The following DLGAP2 variants were observed in gnomAD, a reference collection of about 807,000 sequenced individuals.
The protein encoded by DLGAP2 is DLG associated protein 2, also known as disks large-associated protein 2.
DLGAP2 carries 26 observed loss-of-function variants against 100.3 expected under a neutral mutation model. The ratio of observed to expected loss-of-function variants is 0.26; its 90% CI spans 0.19 to 0.36. DLGAP2 has a LOEUF of 0.36. DLGAP2 is among the 10% of genes least tolerant of loss of function. The pLI is 1.00. For synonymous variants in DLGAP2, 886 were observed against 630.1 expected (o/e 1.41, Z -6.08); for missense variants, 1,858 against 1,453.2 (o/e 1.28, Z -4.53).
At chr8:1,191,417 G>A (rs549332818) in intron 2 of DLGAP2, among the ~76,000 whole-genome samples, 138 of 152,200 alleles carry the variant, frequency 9.1e-4, no homozygotes, top group Admixed American at 2.8e-3. Flanking sequence ...TGATCTGCCC[G>A]CCTCAGCCTC....
At chr8:1,245,554 G>A (rs1341042850) in intron 2 of DLGAP2, among the ~76,000 whole-genome samples, 1 of 152,214 alleles carries the variant, frequency 6.6e-6, no homozygotes, top group Non-Finnish European at 1.5e-5. Context: ...TATATAGAAA[G>A]TACATTAGTG....
chr8:1,527,496 G>A (rs1036367010), intron 4 of DLGAP2, among the ~76,000 whole-genome samples: 1 of 152,250 alleles, frequency 6.6e-6, no homozygotes, highest in Non-Finnish European at 1.5e-5. Flanking sequence ...TCTGGTCTTT[G>A]TCAGACTTTA....
intron 3 of DLGAP2, among the ~76,000 whole-genome samples, chr8:1,308,743 T>G (rs1800547967): frequency 6.6e-6 from 1 of 152,108 alleles, no homozygotes; most frequent in African/African-American, 2.4e-5. Context: ...CAGGCTGGTC[T>G]TGAACTCCCG....
chr8:1,337,727 C>G (rs1208348297), intron 3 of DLGAP2, among the ~76,000 whole-genome samples: 1 of 152,066 alleles, frequency 6.6e-6, no homozygotes, highest in Non-Finnish European at 1.5e-5. Flanking sequence ...TTTCGTGCTT[C>G]AAAAGACACA....
intron 1 of DLGAP2, among the ~76,000 whole-genome samples, chr8:906,656 G>A (rs1368717771): frequency 6.6e-6 from 1 of 152,164 alleles, no homozygotes; most frequent in Non-Finnish European, 1.5e-5. Context: ...GCTTCCACGT[G>A]GCACGGGGCC....
In DLGAP2 at chr8:1,164,260, GCCC is replaced by G. The variant is rs1304632951; in HGVS notation, c.74-94589_74-94587del. Among the ~76,000 whole-genome samples, 20 of 131,916 alleles carry G rather than the reference GCCC, an allele frequency of 1.5e-4. 1 individual carries two copies. Among genetic ancestry groups the G allele is most frequent in the African/African-American group, 3.2e-4 (11 of 33,988 alleles). 86.5% of individuals were successfully genotyped at this position (131,916 alleles called of 152,430 possible). On this transcript the variant is annotated intron_variant, in intron 2 of 14. Coordinates refer to ENST00000637795, the MANE Select transcript of DLGAP2 (RefSeq NM_001346810.2). Reference sequence around the variant, plus strand: ...AGATTTTTCTGTGAGCCCCCCCAGGGCCCCTCGTTTTGGTTTGTGGGGACTGAT... The same window carrying G: ...AGATTTTTCTGTGAGCCCCCCCAGGGCTCGTTTTGGTTTGTGGGGACTGAT...
chr8:999,035 C>G (rs925466918), intron 2 of DLGAP2, among the ~76,000 whole-genome samples: 14 of 152,126 alleles, frequency 9.2e-5, no homozygotes, highest in African/African-American at 3.1e-4. Context: ...ATGAACCATA[C>G]CAGGTTAGCT....
chr8:836,800 C>A (rs1021706914), intron 1 of DLGAP2, among the ~76,000 whole-genome samples: 1 of 152,170 alleles, frequency 6.6e-6, no homozygotes, highest in Non-Finnish European at 1.5e-5. Flanking sequence ...TGGCATCTAA[C>A]GGAGATCTTT....
chr8:1,481,330 C>T (rs560746057), intron 3 of DLGAP2, among the ~76,000 whole-genome samples: 5 of 152,162 alleles, frequency 3.3e-5, no homozygotes, highest in East Asian at 1.9e-4. Context: ...TGAGCGTGAC[C>T]GTTCAGAGAC....
intron 3 of DLGAP2, among the ~76,000 whole-genome samples, chr8:1,355,833 A>C (rs1412589590): frequency 6.6e-6 from 1 of 152,098 alleles, no homozygotes; most frequent in East Asian, 1.9e-4. Flanking sequence ...CCCACCAGCC[A>C]GTCCCTCAAA....
At chr8:1,239,168 T>TTC (rs1384777200) in intron 2 of DLGAP2, among the ~76,000 whole-genome samples, 2 of 5,500 alleles carry the variant, frequency 3.6e-4, no homozygotes, top group East Asian at 1.4e-3. Context: ...CCGTGTCTAG[T>TTC]TCTCTCACAT....
At chr8:845,552 T>C (rs1327595802) in intron 1 of DLGAP2, among the ~76,000 whole-genome samples, 7 of 152,246 alleles carry the variant, frequency 4.6e-5, no homozygotes. Flanking sequence ...GTATTCTAGA[T>C]ACAAGTCCTT....
At chr8:1,152,526 G>T (rs977706253) in intron 2 of DLGAP2, among the ~76,000 whole-genome samples, 1 of 152,172 alleles carries the variant, frequency 6.6e-6, no homozygotes, top group Non-Finnish European at 1.5e-5. Context: ...CTCTCCCAAA[G>T]GCCCTTTTTT....
intron 3 of DLGAP2, among the ~76,000 whole-genome samples, chr8:1,480,058 G>A (rs1799047028): frequency 6.6e-6 from 1 of 152,166 alleles, no homozygotes; most frequent in African/African-American, 2.4e-5. Flanking sequence ...GCAGAGAGAG[G>A]CACGGATGCC....
chr8:1,316,942 C>G lies in DLGAP2; in HGVS notation c.106+58059C>G, dbSNP rs188696720. 2.0e-3 allele frequency among the ~76,000 whole-genome samples: 121 copies of G among 61,522 alleles called. No individual in the cohort carries two copies. The East Asian group carries it at 0.032, about 17-fold the overall frequency. The allele number at this position is 61,522 out of a possible 152,430, so 40.4% of individuals were successfully genotyped here. A position where few individuals can be genotyped will look rare whatever the true frequency, so the allele number is the denominator to read the frequency against. On this transcript the variant is annotated intron_variant, in intron 3 of 14. Coordinates refer to ENST00000637795, the MANE Select transcript of DLGAP2 (RefSeq NM_001346810.2). ...CTCCAACAGTGGTCTACACTCGAGACACTCGGCAGCGTTTAAAAATAGAGC... is the reference window on the plus strand; with the variant it reads ...CTCCAACAGTGGTCTACACTCGAGAGACTCGGCAGCGTTTAAAAATAGAGC...
At chr8:1,176,434 T>G (rs11993074) in intron 2 of DLGAP2, among the ~76,000 whole-genome samples, 1 of 152,032 alleles carries the variant, frequency 6.6e-6, no homozygotes, top group Non-Finnish European at 1.5e-5. Flanking sequence ...CTTTGGGTGT[T>G]TGTTCTGAGT....
At chr8:1,535,506 C>G (rs1801127441) in intron 4 of DLGAP2, among the ~76,000 whole-genome samples, 1 of 152,186 alleles carries the variant, frequency 6.6e-6, no homozygotes, top group Non-Finnish European at 1.5e-5. Context: ...ATGGGCATGC[C>G]TAGCACAGAC....
intron 3 of DLGAP2, among the ~76,000 whole-genome samples, chr8:1,313,007 C>G (rs1207234192): frequency 6.6e-6 from 1 of 152,230 alleles, no homozygotes; most frequent in Non-Finnish European, 1.5e-5. Context: ...CCCCAGATGT[C>G]CTGTGTTTTA....
chr8:1,528,323 C>G (rs764951722), intron 4 of DLGAP2, among the ~76,000 whole-genome samples: 1 of 152,240 alleles, frequency 6.6e-6, no homozygotes, highest in African/African-American at 2.4e-5. Flanking sequence ...ACACTCCTGG[C>G]TCACTGCCCA....
Sources: allele counts gnomAD v4.1 joint callset (sites outside exome capture counted in the v4.1 genomes callset), GRCh38; gene constraint gnomAD v4.1.1; transcripts MANE v1.5; gene names NCBI Gene and HGNC (gene_info 2026-07-23, HGNC 2026-07-21).